SLC25A40: variants seen among roughly 807,000 people sequenced by gnomAD.
The protein encoded by SLC25A40 is mitochondrial glutathione transporter SLC25A40.
SLC25A40 carries 41 observed loss-of-function variants against 46.5 expected under a neutral mutation model. The observed-to-expected ratio is 0.88, with a 90% CI of 0.69 to 1.14. SLC25A40 has a LOEUF of 1.14. Among genes scored for constraint, SLC25A40 ranks in the 50% most tolerant of loss-of-function variants. The pLI is 0.00. For missense variants in SLC25A40, 386 were observed against 393.6 expected (o/e 0.98, Z 0.16); for synonymous variants, 126 against 127.5 (o/e 0.99, Z 0.08).
intron 1 of SLC25A40, among the ~76,000 whole-genome samples, chr7:87,869,817 TAAG>T (rs1221568560): frequency 2.0e-5 from 3 of 152,188 alleles, no homozygotes; most frequent in Admixed American, 2.0e-4. Context: ...AGTAAATACA[TAAG>T]TAGAATAGCT....
chr7:87,843,660 A>C, intron 9 of SLC25A40, 94 bp downstream of exon 9: 1 of 865,020 alleles, frequency 1.2e-6, no homozygotes, highest in Admixed American at 2.8e-5. Flanking sequence ...GTGCAGCCAA[A>C]GTGGATCTCA....
intron 1 of SLC25A40, among the ~76,000 whole-genome samples, chr7:87,870,175 A>G (rs1462980678): frequency 3.3e-5 from 5 of 150,784 alleles, no homozygotes; most frequent in Admixed American, 2.0e-4. Context: ...ATAATTCTTC[A>G]TATTTTTTGG....
chr7:87,859,447 AAAAT>A (rs1441471298), intron 2 of SLC25A40, among the ~76,000 whole-genome samples: 1 of 152,150 alleles, frequency 6.6e-6, no homozygotes, highest in Non-Finnish European at 1.5e-5. Flanking sequence ...GTCTCAAAAA[AAAAT>A]AATAATAATA....
chr7:87,850,007 AT>A, intron 5 of SLC25A40, 59 bp from the exon 6 acceptor site: 1 of 1,044,672 alleles, frequency 9.6e-7, no homozygotes, highest in African/African-American at 1.7e-5. Context: ...TTATACAAAA[AT>A]TTATACTGAT....
chr7:87,836,282 G>GA lies in SLC25A40; in HGVS notation c.983dup (p.Gln329ProfsTer30). 6.3e-7 allele frequency: 1 copy of GA among 1,583,566 alleles called. No homozygotes were observed. Among genetic ancestry groups the GA allele is most frequent in the South Asian group, 1.2e-5 (1 of 85,490 alleles). ...GCTGCCTTCGAACATTTTGTTTCTG[G>GA]AAAAAAGCCTTTCCAAATTCATATG... is the stretch of plus-strand genomic sequence containing the variant. On this transcript the variant is annotated frameshift_variant, in exon 12 of 12. Transcript: ENST00000341119. LOFTEE classifies it high-confidence loss of function.
rs568118026 is a variant in SLC25A40, at chr7:87,851,865, A to C, written c.265-1917T>G. On this transcript the variant is annotated intron_variant, in intron 5 of 11. Coordinates refer to ENST00000341119, the MANE Select transcript of SLC25A40 (RefSeq NM_018843.4). ...ATTAAAGAGTTTAATGGAATGCTAA[A>C]AAATGTTCCAGTAACTTACAAAGGA... Among the ~76,000 whole-genome samples, 4 of 152,352 alleles carry C rather than the reference A, an allele frequency of 2.6e-5. No homozygotes were observed. The East Asian group carries it at 5.8e-4, about 22-fold the overall frequency.
chr7:87,859,043 C>A (rs1584333340), intron 2 of SLC25A40, among the ~76,000 whole-genome samples: 1 of 152,132 alleles, frequency 6.6e-6, no homozygotes, highest in East Asian at 1.9e-4. Context: ...AAACACATAA[C>A]CTTAATAAGT....
intron 6 of SLC25A40, among the ~76,000 whole-genome samples, chr7:87,849,395 A>G (rs1440727444): frequency 6.6e-6 from 1 of 152,260 alleles, no homozygotes; most frequent in East Asian, 1.9e-4. Context: ...TTTATAGTAC[A>G]CTTCTTTCCT....
At chr7:87,838,823 CACTT>C (rs759267713) in intron 10 of SLC25A40, among the ~76,000 whole-genome samples, 3 of 151,616 alleles carry the variant, frequency 2.0e-5, no homozygotes, top group Non-Finnish European at 4.4e-5. Context: ...TCACACTGCA[CACTT>C]ACTTCTGCAA....
intron 9 of SLC25A40, 88 bp downstream of exon 9, chr7:87,843,666 T>A (rs1838368599): frequency 1.1e-6 from 1 of 933,120 alleles, no homozygotes; most frequent in East Asian, 2.7e-5. Context: ...CCAAAGTGGA[T>A]CTCAATATAC....
chr7:87,851,638 C>T (rs983504075), intron 5 of SLC25A40, among the ~76,000 whole-genome samples: 2 of 152,170 alleles, frequency 1.3e-5, no homozygotes, highest in Non-Finnish European at 2.9e-5. Flanking sequence ...CCCACTACAC[C>T]GTCAGTGGAA....
intron 1 of SLC25A40, among the ~76,000 whole-genome samples, chr7:87,875,054 C>A (rs1838965110): frequency 6.6e-6 from 1 of 152,154 alleles, no homozygotes; most frequent in Non-Finnish European, 1.5e-5. Context: ...ATAGAAATTA[C>A]AATATTGAAT....
At chr7:87,855,120 C>T in intron 4 of SLC25A40, among the ~76,000 whole-genome samples, 1 of 146,096 alleles carries the variant, frequency 6.8e-6, no homozygotes, top group South Asian at 2.2e-4. Context: ...TATGATCACA[C>T]TACTACACTC....
intron 1 of SLC25A40, among the ~76,000 whole-genome samples, chr7:87,868,124 C>T (rs1273760145): frequency 3.9e-4 from 60 of 152,020 alleles, no homozygotes; most frequent in East Asian, 1.9e-4. Context: ...TCCAATGAGT[C>T]GAGGGAGGAG....
rs777777850 is a variant in SLC25A40, at chr7:87,836,237, G to C, written c.*12C>G. On this transcript the variant is annotated 3_prime_UTR_variant, in exon 12 of 12. Transcript: ENST00000341119. Reference sequence around the variant, plus strand: ...TTGGCTATAGTTGTTGTTTCAAGTTGAAACAGCATCACTAGTATTGCTGCC... The same window carrying C: ...TTGGCTATAGTTGTTGTTTCAAGTTCAAACAGCATCACTAGTATTGCTGCC... 1 of 1,536,984 alleles carries C rather than the reference G, an allele frequency of 6.5e-7. No homozygotes were observed. The highest frequency in any genetic ancestry group is 1.9e-5 in the Admixed American group (1 of 52,686).
At chr7:87,863,318 AC>A (rs934072356) in intron 1 of SLC25A40, among the ~76,000 whole-genome samples, 1 of 152,094 alleles carries the variant, frequency 6.6e-6, no homozygotes, top group African/African-American at 2.4e-5. Context: ...GGAGGTGGTT[AC>A]CCACATGATG....
intron 4 of SLC25A40, among the ~76,000 whole-genome samples, chr7:87,854,847 T>C (rs570182804): frequency 5.8e-5 from 8 of 137,630 alleles, no homozygotes; most frequent in African/African-American, 2.2e-4. Context: ...TGTAAATTAG[T>C]GGATTTATGT....
intron 1 of SLC25A40, among the ~76,000 whole-genome samples, chr7:87,866,853 C>A (rs1838809899): frequency 6.6e-6 from 1 of 152,252 alleles, no homozygotes; most frequent in African/African-American, 2.4e-5. Flanking sequence ...ACTGATTAAT[C>A]CTTTTCCTCA....
At position 87,850,162 on chromosome 7, in the gene SLC25A40, A is replaced by C. The variant is rs564629966; in HGVS notation, c.265-214T>G. Among the ~76,000 whole-genome samples, 3 of 152,316 alleles carry C rather than the reference A, an allele frequency of 2.0e-5. 1 individual carries two copies. The highest frequency in any genetic ancestry group is 1.9e-4 in the East Asian group (1 of 5,190). ...ATGATACTAACTTCTTACAGAATGA[A>C]GTCTATATTACTCAGCTCTAGATTG... is the stretch of plus-strand genomic sequence containing the variant. On this transcript the variant is annotated intron_variant, in intron 5 of 11. Transcript: ENST00000341119.
Sources: gnomAD v4.1 joint callset for allele counts (sites outside exome capture counted in the v4.1 genomes callset) on GRCh38, gnomAD v4.1.1 for gene constraint, MANE v1.5 for transcripts, NCBI Gene and HGNC (gene_info 2026-07-23, HGNC 2026-07-21) for gene names.